FHIT: variants seen among roughly 807,000 people sequenced by gnomAD.
FHIT encodes the protein fragile histidine triad diadenosine triphosphatase.
In FHIT, 19 loss-of-function variants were observed where a neutral mutation model predicts 17.9. The ratio of observed to expected loss-of-function variants is 1.06; its 90% CI spans 0.74 to 1.56. The LOEUF is 1.56. FHIT is among the 40% of genes most tolerant of loss of function. FHIT has a pLI of 0.00. For missense variants in FHIT, 248 were observed against 189.2 expected (o/e 1.31, Z -1.82); for synonymous variants, 81 against 69.7 (o/e 1.16, Z -0.81).
rs1703839734 is a variant in FHIT, at chr3:60,219,128, T to C, written c.104-204976A>G. Among the ~76,000 whole-genome samples, 3 of 152,256 alleles carry C rather than the reference T, an allele frequency of 2.0e-5. No individual in the cohort carries two copies. The South Asian group carries it at 6.2e-4, about 32-fold the overall frequency. On this transcript the variant is annotated intron_variant, in intron 5 of 9. Transcript: ENST00000492590. ...CTATCTACCCACATTACTCTCATTT[T>C]GTTCACAAATTATCTAATTTCCTAC...
At chr3:60,200,549 G>A (rs1702852035) in intron 5 of FHIT, among the ~76,000 whole-genome samples, 1 of 151,944 alleles carries the variant, frequency 6.6e-6, no homozygotes. Context: ...ATATGAAAAG[G>A]ATCCTCTTCT....
intron 5 of FHIT, among the ~76,000 whole-genome samples, chr3:60,304,117 G>C (rs1384155916): frequency 6.6e-6 from 1 of 152,086 alleles, no homozygotes; most frequent in East Asian, 1.9e-4. Flanking sequence ...GAGCATGCCT[G>C]ATATATCACA....
chr3:60,993,340 T>C (rs2030410914), intron 3 of FHIT, among the ~76,000 whole-genome samples: 1 of 152,360 alleles, frequency 6.6e-6, no homozygotes, highest in South Asian at 2.1e-4. Context: ...CATTCCGGAT[T>C]CAGACTGTCC....
Position 59,748,011 on chromosome 3 carries a change from G to A in FHIT, c.*1574C>T, listed in dbSNP as rs182573014. On this transcript the variant is annotated 3_prime_UTR_variant, in exon 10 of 10. Transcript: ENST00000492590. Reference sequence around the variant, plus strand: ...CTGAATATGCCAAATGGAGAGTTTCGGTTTGGTGCTAGAATTAAATGCCCC... The same window carrying A: ...CTGAATATGCCAAATGGAGAGTTTCAGTTTGGTGCTAGAATTAAATGCCCC... Among the ~76,000 whole-genome samples, 5 of 152,106 alleles carry A rather than the reference G, an allele frequency of 3.3e-5. No individual in the cohort carries two copies. Among genetic ancestry groups the A allele is most frequent in the Admixed American group, 6.5e-5 (1 of 15,270 alleles).
intron 2 of FHIT, among the ~76,000 whole-genome samples, chr3:61,092,016 C>T (rs995895700): frequency 7.0e-6 from 1 of 143,274 alleles, no homozygotes; most frequent in African/African-American, 2.6e-5. Flanking sequence ...GTTCTTCAGG[C>T]TACTATCAGC....
chr3:60,816,398 T>C (rs536701949), intron 4 of FHIT, among the ~76,000 whole-genome samples: 3 of 152,182 alleles, frequency 2.0e-5, no homozygotes, highest in Admixed American at 2.0e-4. Context: ...GCTCTTATTA[T>C]TTAGAGGTAT....
chr3:60,664,524 A>G (rs1172807175), intron 4 of FHIT, among the ~76,000 whole-genome samples: 1 of 151,414 alleles, frequency 6.6e-6, no homozygotes, highest in East Asian at 1.9e-4. Context: ...TGCCTCTTCT[A>G]TTTTCTAGAA....
chr3:59,985,560 G>C (rs1202707830), intron 7 of FHIT, among the ~76,000 whole-genome samples: 2 of 152,074 alleles, frequency 1.3e-5, no homozygotes, highest in Non-Finnish European at 1.5e-5. Flanking sequence ...AATTTTATCT[G>C]TGCTGATTAT....
intron 5 of FHIT, among the ~76,000 whole-genome samples, chr3:60,298,981 T>G (rs1324155126): frequency 6.6e-6 from 1 of 152,122 alleles, no homozygotes; most frequent in African/African-American, 2.4e-5. Flanking sequence ...CCTTTGAATG[T>G]AGCAATCCAT....
intron 4 of FHIT, among the ~76,000 whole-genome samples, chr3:60,711,734 A>G (rs569806553): frequency 6.6e-6 from 1 of 152,314 alleles, no homozygotes; most frequent in East Asian, 1.9e-4. Context: ...AAAGAAGAAT[A>G]AAAAGAAATG....
At chr3:59,783,748 T>C (rs577229305) in intron 8 of FHIT, among the ~76,000 whole-genome samples, 22 of 152,270 alleles carry the variant, frequency 1.4e-4, no homozygotes, top group African/African-American at 5.3e-4. Context: ...CTCCACACGT[T>C]GCCAAATATC....
chr3:60,221,437 C>G (rs1156345541), intron 5 of FHIT, among the ~76,000 whole-genome samples: 3 of 152,130 alleles, frequency 2.0e-5, no homozygotes, highest in Non-Finnish European at 2.9e-5. Flanking sequence ...ATCCATCCTC[C>G]TACAGCCCAT....
chr3:59,831,970 A>G (rs931222843), intron 8 of FHIT, among the ~76,000 whole-genome samples: 4 of 152,066 alleles, frequency 2.6e-5, no homozygotes, highest in African/African-American at 9.7e-5. Context: ...GGGGACTCTC[A>G]ACTACTGGTC....
rs535644870 is a variant in FHIT, at chr3:60,819,258, A to T, written c.-18+2661T>A. Among the ~76,000 whole-genome samples, 12 of 152,290 alleles carry T rather than the reference A, an allele frequency of 7.9e-5. 1 individual carries two copies. In the South Asian group the frequency reaches 2.5e-3, roughly 32 times the overall value. ...GAGTTTGGTTTTAAGTAGAAATAGA[A>T]GCCAGGCTCAGGGCTTCCTTGATCA... On this transcript the variant is annotated intron_variant, in intron 4 of 9. Coordinates refer to ENST00000492590, the MANE Select transcript of FHIT (RefSeq NM_002012.4).
chr3:61,014,336 C>G (rs75799956), intron 3 of FHIT, among the ~76,000 whole-genome samples: 3,453 of 152,122 alleles, frequency 0.023, 62 homozygotes, highest in African/African-American at 0.05. Context: ...CTCCTTGCTG[C>G]CTAGAACAGT....
At chr3:60,440,649 A>G (rs1383037973) in intron 5 of FHIT, among the ~76,000 whole-genome samples, 1 of 152,060 alleles carries the variant, frequency 6.6e-6, no homozygotes, top group Non-Finnish European at 1.5e-5. Context: ...AATCCAAACT[A>G]TATAACCCAA....
Position 60,059,862 on chromosome 3 carries a change from T to C in FHIT, c.104-45710A>G, listed in dbSNP as rs79147318. Among the ~76,000 whole-genome samples, 273 of 152,346 alleles carry C rather than the reference T, an allele frequency of 1.8e-3. 9 individuals carry two copies. In the East Asian group the frequency reaches 0.045, roughly 25 times the overall value. On this transcript the variant is annotated intron_variant, in intron 5 of 9. Transcript: ENST00000492590. ...TTACCTTTTCCTTATAAAACTTTAC[T>C]AGCTATTCTTCAAATCGACAATGGT... is the stretch of plus-strand genomic sequence containing the variant.
At chr3:60,677,612 G>A (rs1553695706) in intron 4 of FHIT, among the ~76,000 whole-genome samples, 1 of 140,546 alleles carries the variant, frequency 7.1e-6, no homozygotes, top group African/African-American at 2.6e-5. Context: ...GTGTATATAT[G>A]TGTATACATA....
intron 8 of FHIT, among the ~76,000 whole-genome samples, chr3:59,858,533 T>C (rs901923479): frequency 1.1e-4 from 16 of 151,996 alleles, no homozygotes; most frequent in Admixed American, 1.1e-3. Flanking sequence ...GCCTTTTCCC[T>C]TTCTTTCTTG....
Sources: allele counts gnomAD v4.1 joint callset (sites outside exome capture counted in the v4.1 genomes callset), GRCh38; gene constraint gnomAD v4.1.1; transcripts MANE v1.5; gene names NCBI Gene and HGNC (gene_info 2026-07-23, HGNC 2026-07-21).